TBK1: variants seen among roughly 807,000 people sequenced by gnomAD.
TBK1 encodes the protein TANK binding kinase 1.
TBK1 carries 37 observed loss-of-function variants against 99.9 expected under a neutral mutation model. The ratio of observed to expected loss-of-function variants is 0.37; its 90% CI spans 0.28 to 0.49. The LOEUF (loss-of-function observed/expected upper bound fraction) is 0.49, where lower values mean the gene tolerates loss of function less well. Ranked by LOEUF, TBK1 falls within the 20% of genes least tolerant of loss-of-function variation. The pLI is 0.98. For missense variants in TBK1, 644 were observed against 872.5 expected (o/e 0.74, Z 3.30); for synonymous variants, 258 against 279.8 (o/e 0.92, Z 0.78).
rs144620061 is a variant in TBK1, at chr12:64,456,444, C to G, written c.87+487C>G. 4.8e-3 allele frequency among the ~76,000 whole-genome samples: 733 copies of G among 152,166 alleles called. 5 individuals carry two copies. Among genetic ancestry groups the G allele is most frequent in the African/African-American group, 0.017 (689 of 41,488 alleles). Reference sequence around the variant, plus strand: ...GATTGGAGTAAAATGAGATTCTCAACAAGGAGCCCAGGTTGAAAAGACCAT... The same window carrying G: ...GATTGGAGTAAAATGAGATTCTCAAGAAGGAGCCCAGGTTGAAAAGACCAT... On this transcript the variant is annotated intron_variant, in intron 2 of 20. Coordinates refer to ENST00000331710, the MANE Select transcript of TBK1 (RefSeq NM_013254.4).
intron 8 of TBK1, among the ~76,000 whole-genome samples, chr12:64,483,147 AT>A (rs1232642048): frequency 1.3e-5 from 2 of 152,234 alleles, no homozygotes; most frequent in East Asian, 3.8e-4. Flanking sequence ...AGCTAAAAAA[AT>A]ATAATTTGAT....
At chr12:64,463,528 G>A (rs1592355680) in intron 3 of TBK1, among the ~76,000 whole-genome samples, 2 of 151,716 alleles carry the variant, frequency 1.3e-5, no homozygotes, top group Admixed American at 6.6e-5. Context: ...GTGAGACCCC[G>A]TCTCTACAAA....
intron 6 of TBK1, among the ~76,000 whole-genome samples, chr12:64,478,672 G>A (rs1268105130): frequency 2.0e-5 from 3 of 152,158 alleles, no homozygotes; most frequent in African/African-American, 7.2e-5. Flanking sequence ...ATGGGAAGAA[G>A]ACACCTATTT....
rs1243739187 is a variant in TBK1, at chr12:64,473,420, A to T, written c.541-810A>T. 6.6e-5 allele frequency among the ~76,000 whole-genome samples: 10 copies of T among 152,202 alleles called. No homozygotes were observed. In the South Asian group the frequency reaches 1.4e-3, roughly 22 times the overall value. ...AAGGAGTTTTGTGGTCAATTTAGAG[A>T]TCTTTTAAAATGGGAGATATTAAAG... On this transcript the variant is annotated intron_variant, in intron 5 of 20. Transcript: ENST00000331710.
intron 2 of TBK1, among the ~76,000 whole-genome samples, chr12:64,458,746 A>G (rs1460215137): frequency 6.6e-6 from 1 of 152,134 alleles, no homozygotes; most frequent in Non-Finnish European, 1.5e-5. Context: ...GGATTCTCCT[A>G]GTTTTAGACT....
At chr12:64,493,453 C>T (rs952741327) in intron 13 of TBK1, among the ~76,000 whole-genome samples, 3 of 151,638 alleles carry the variant, frequency 2.0e-5, no homozygotes, top group African/African-American at 7.3e-5. Context: ...ATGGTGAAAC[C>T]GTGTCTCTAA....
At chr12:64,480,996 C>T (rs2040762926) in intron 7 of TBK1, among the ~76,000 whole-genome samples, 1 of 152,096 alleles carries the variant, frequency 6.6e-6, no homozygotes, top group Non-Finnish European at 1.5e-5. Context: ...AGTTCCAATG[C>T]TGAAATCATT....
chr12:64,473,558 C>G (rs10878175), intron 5 of TBK1, among the ~76,000 whole-genome samples: 46,976 of 152,074 alleles, frequency 0.31, 7,683 homozygotes, highest in East Asian at 0.56. Context: ...ATATGATAGG[C>G]TCTACAGCAC....
chr12:64,473,952 C>G (rs2040686406), intron 5 of TBK1, among the ~76,000 whole-genome samples: 1 of 151,942 alleles, frequency 6.6e-6, no homozygotes, highest in African/African-American at 2.4e-5. Flanking sequence ...GACACAGATT[C>G]AGGTAGGTTG....
In TBK1 at chr12:64,464,932, GA is replaced by G. The variant is rs746506192; in HGVS notation, c.358+473del. On this transcript the variant is annotated intron_variant, in intron 4 of 20. Transcript: ENST00000331710. The stretch of plus-strand genomic sequence containing the variant: ...CAATGAAATACCACTTTATACCAAT[GA>G]AAATGACTAATATCAAAAAGACAAA... Among the ~76,000 whole-genome samples, 21 of 152,078 alleles carry G rather than the reference GA, an allele frequency of 1.4e-4. No homozygotes were observed. In the East Asian group the frequency reaches 3.1e-3, roughly 22 times the overall value.
chr12:64,464,144 G>A (rs1046198222), intron 3 of TBK1, among the ~76,000 whole-genome samples, 190 bp from the exon 4 acceptor site: 1 of 152,134 alleles, frequency 6.6e-6, no homozygotes, highest in Non-Finnish European at 1.5e-5. Flanking sequence ...TTACAGGCGT[G>A]AGCCACCACA....
At chr12:64,463,208 A>G (rs1433475572) in intron 3 of TBK1, among the ~76,000 whole-genome samples, 1 of 151,838 alleles carries the variant, frequency 6.6e-6, no homozygotes. Flanking sequence ...CGTCTCTACT[A>G]AAAATACAAA....
intron 2 of TBK1, among the ~76,000 whole-genome samples, chr12:64,457,585 A>T (rs545900633): frequency 2.4e-4 from 37 of 152,332 alleles, no homozygotes; most frequent in Middle Eastern, 6.8e-3. Context: ...CTGCACATTA[A>T]CTGGACACAG....
intron 6 of TBK1, among the ~76,000 whole-genome samples, chr12:64,479,217 T>C (rs1214862601): frequency 6.6e-6 from 1 of 152,258 alleles, no homozygotes; most frequent in Admixed American, 6.5e-5. Flanking sequence ...TAAACTTTTT[T>C]AAAACTTGTA....
At chr12:64,456,988 G>A (rs2040496247) in intron 2 of TBK1, among the ~76,000 whole-genome samples, 1 of 152,120 alleles carries the variant, frequency 6.6e-6, no homozygotes, top group Non-Finnish European at 1.5e-5. Flanking sequence ...AAAGAAGCTG[G>A]AAAAATGGAG....
At chr12:64,467,638 C>T (rs1258483237) in intron 5 of TBK1, among the ~76,000 whole-genome samples, 10 of 152,082 alleles carry the variant, frequency 6.6e-5, no homozygotes, top group Non-Finnish European at 1.5e-4. Context: ...ATACTTTTAA[C>T]ATGTAATCAG....
At chr12:64,459,731 ATTC>A (rs1198870636) in intron 2 of TBK1, among the ~76,000 whole-genome samples, 3 of 152,210 alleles carry the variant, frequency 2.0e-5, no homozygotes, top group Non-Finnish European at 4.4e-5. Flanking sequence ...TTACTTTGAT[ATTC>A]TTAATAAAAA....
In TBK1 at chr12:64,501,450, G is replaced by C. The variant is rs1301281404; in HGVS notation, c.*69G>C. On this transcript the variant is annotated 3_prime_UTR_variant, in exon 21 of 21. Transcript: ENST00000331710. Reference sequence around the variant, plus strand: ...AATAACGCTTGGGCATTAAATGAATGCCTTTATAGATAGTCACTTGTTTCT... The same window carrying C: ...AATAACGCTTGGGCATTAAATGAATCCCTTTATAGATAGTCACTTGTTTCT... 1 of 1,454,634 alleles carries C rather than the reference G, an allele frequency of 6.9e-7. No individual in the cohort carries two copies. Among genetic ancestry groups the C allele is most frequent in the Non-Finnish European group, 9.6e-7 (1 of 1,045,122 alleles). The allele number at this position is 1,454,634 out of a possible 1,614,324, so 90.1% of individuals were successfully genotyped here.
chr12:64,489,154 A>G (rs773470517), intron 12 of TBK1, among the ~76,000 whole-genome samples: 13 of 152,222 alleles, frequency 8.5e-5, no homozygotes, highest in Non-Finnish European at 2.9e-5. Flanking sequence ...TCTCATTTCT[A>G]TCTTGTAAAA....
Sources: gnomAD v4.1 joint callset for allele counts (sites outside exome capture counted in the v4.1 genomes callset) on GRCh38, gnomAD v4.1.1 for gene constraint, MANE v1.5 for transcripts, NCBI Gene and HGNC (gene_info 2026-07-23, HGNC 2026-07-21) for gene names.